Variants in ARB2A observed in about 807,000 individuals in gnomAD.
The protein encoded by ARB2A is cotranscriptional regulator ARB2A.
the ARB2A span, among the ~76,000 whole-genome samples, chr5:93,950,943 CAA>C: frequency 8.8e-5 from 7 of 79,210 alleles, no homozygotes; most frequent in Admixed American, 4.3e-4. Context: ...GACTCTGTCT[CAA>C]AAAAAAAAAA....
chr5:93,653,738 G>A, the ARB2A span, among the ~76,000 whole-genome samples: 4 of 151,980 alleles, frequency 2.6e-5, no homozygotes, highest in Admixed American at 2.0e-4. Flanking sequence ...GCACTTGATA[G>A]TTTCTGGTTA....
the ARB2A span, among the ~76,000 whole-genome samples, chr5:93,624,998 T>C: frequency 1.3e-5 from 2 of 152,024 alleles, no homozygotes; most frequent in Admixed American, 1.3e-4. Context: ...TTACCAAGAG[T>C]GGTTTACCCT....
At chr5:94,081,651 C>T in the ARB2A span, among the ~76,000 whole-genome samples, 1 of 152,024 alleles carries the variant, frequency 6.6e-6, no homozygotes, top group South Asian at 2.1e-4. Context: ...ACAGGTAAAT[C>T]CATAGAAATA....
the ARB2A span, among the ~76,000 whole-genome samples, chr5:94,075,864 A>T: frequency 6.6e-6 from 1 of 152,172 alleles, no homozygotes; most frequent in Non-Finnish European, 1.5e-5. Context: ...GTCTAACTGT[A>T]GGTGATGTGC....
chr5:94,005,812 C>G, the ARB2A span, among the ~76,000 whole-genome samples: 2 of 152,040 alleles, frequency 1.3e-5, no homozygotes, highest in African/African-American at 2.4e-5. Flanking sequence ...TAGTGAAATT[C>G]AAATTCAAAC....
chr5:94,075,684 T>G, the ARB2A span, among the ~76,000 whole-genome samples: 2 of 152,166 alleles, frequency 1.3e-5, no homozygotes, highest in Non-Finnish European at 2.9e-5. Flanking sequence ...ATAAGGTAAA[T>G]TTCAGTTTCC....
the ARB2A span, among the ~76,000 whole-genome samples, chr5:93,997,579 T>C: frequency 6.6e-6 from 1 of 151,990 alleles, no homozygotes; most frequent in South Asian, 2.1e-4. Flanking sequence ...TATAAACATT[T>C]TCACAAACTG....
chr5:93,993,967 G>A, the ARB2A span, among the ~76,000 whole-genome samples: 2 of 152,090 alleles, frequency 1.3e-5, no homozygotes, highest in Non-Finnish European at 2.9e-5. Context: ...TGGGCCACCT[G>A]AGGCAGGCAC....
chr5:93,971,528 T>C, the ARB2A span, among the ~76,000 whole-genome samples: 9 of 150,260 alleles, frequency 6.0e-5, no homozygotes, highest in East Asian at 2.0e-4. Context: ...AATAGCGCCA[T>C]TGCACTCCAG....
At chr5:93,628,013 G>T in the ARB2A span, among the ~76,000 whole-genome samples, 3 of 143,642 alleles carry the variant, frequency 2.1e-5, no homozygotes, top group Admixed American at 7.0e-5. Context: ...AGACTCTGTT[G>T]TTCCACTCAT....
chr5:94,000,598 T>C, the ARB2A span, among the ~76,000 whole-genome samples: 1 of 152,088 alleles, frequency 6.6e-6, no homozygotes, highest in Non-Finnish European at 1.5e-5. Flanking sequence ...TTCTCTCAGT[T>C]TGTGACTTGT....
the ARB2A span, among the ~76,000 whole-genome samples, chr5:94,013,034 G>A: frequency 1.4e-4 from 21 of 152,296 alleles, no homozygotes; most frequent in East Asian, 3.7e-3. Flanking sequence ...TTCTGGGAGA[G>A]TTAGTATGAA....
At chr5:93,620,759 C>T in the ARB2A span, 1 of 455,382 alleles carries the variant, frequency 2.2e-6, no homozygotes, top group Non-Finnish European at 3.6e-6. Flanking sequence ...ACTGGCAGCG[C>T]TCAGCCCGCG....
the ARB2A span, among the ~76,000 whole-genome samples, chr5:94,061,069 T>C: frequency 6.6e-6 from 1 of 152,056 alleles, no homozygotes; most frequent in African/African-American, 2.4e-5. Context: ...AAACCCTGTC[T>C]CTACTAAAAA....
the ARB2A span, among the ~76,000 whole-genome samples, chr5:93,871,783 C>T: frequency 2.6e-5 from 4 of 151,774 alleles, no homozygotes; most frequent in Admixed American, 2.6e-4. Flanking sequence ...ATTTTTAATT[C>T]CTTTCAATAG....
At chr5:93,880,972 G>A in the ARB2A span, among the ~76,000 whole-genome samples, 7 of 151,674 alleles carry the variant, frequency 4.6e-5, no homozygotes, top group African/African-American at 7.2e-5. Flanking sequence ...GTTGCTCATC[G>A]TAAAACAATG....
the ARB2A span, among the ~76,000 whole-genome samples, chr5:94,025,889 C>T: frequency 1.3e-5 from 2 of 152,164 alleles, no homozygotes; most frequent in Non-Finnish European, 2.9e-5. Flanking sequence ...ACCACAGGGC[C>T]ACACCCAGCC....
At chr5:93,737,971 G>A in the ARB2A span, 15 of 427,744 alleles carry the variant, frequency 3.5e-5, no homozygotes, top group Admixed American at 1.1e-4. Context: ...TGGATAAGCT[G>A]GACTTAATAA....
chr5:94,048,754 A>G, the ARB2A span, among the ~76,000 whole-genome samples: 1 of 152,092 alleles, frequency 6.6e-6, no homozygotes, highest in Non-Finnish European at 1.5e-5. Flanking sequence ...TCAGTGGGGG[A>G]AGGGAGGAGC....
Sources: allele counts gnomAD v4.1 joint callset (sites outside exome capture counted in the v4.1 genomes callset), GRCh38; gene constraint gnomAD v4.1.1; transcripts MANE v1.5; gene names NCBI Gene and HGNC (gene_info 2026-07-23, HGNC 2026-07-21).